TMPRSS15: variants seen among roughly 807,000 people sequenced by gnomAD.
TMPRSS15 encodes transmembrane serine protease 15, also known as enteropeptidase.
In TMPRSS15, 128 loss-of-function variants were observed where a neutral mutation model predicts 125.3. The ratio of observed to expected loss-of-function variants is 1.02; its 90% confidence interval spans 0.89 to 1.18. The LOEUF (loss-of-function observed/expected upper bound fraction) is 1.18, where lower values mean the gene tolerates loss of function less well. Among genes scored for constraint, TMPRSS15 ranks in the 50% most tolerant of loss-of-function variants. The pLI, the probability that TMPRSS15 is intolerant of heterozygous loss-of-function variation, is 0.00. For synonymous variants in TMPRSS15, 446 were observed against 423.2 expected (o/e 1.05, Z -0.66); for missense variants, 1,283 against 1,212.7 (o/e 1.06, Z -0.86).
chr21:18,433,674 A>AAAAAAAAAAAAAAAAAAAAAAAAAAC, intron 1 of TMPRSS15, among the ~76,000 whole-genome samples: 1 of 151,082 alleles, frequency 6.6e-6, no homozygotes, highest in Non-Finnish European at 1.5e-5. Context: ...AAAAAAAAAA[A>AAAAAAAAAAAAAAAAAAAAAAAAAAC]AAAAAAAAAA....
Position 18,315,240 on chromosome 21 carries a change from G to A in TMPRSS15, c.1938C>T (p.Asp646=), listed in dbSNP as rs774147379. Residue 646 remains aspartate (D), a synonymous_variant, in exon 17 of 25, where the codon GAC becomes GAT. Coordinates refer to ENST00000284885, the MANE Select transcript of TMPRSS15 (RefSeq NM_002772.3). ...ACTCTCCATTTTTACATTGAAAATG[G>A]TCTGCCTTGCATGGCTCTATGGGGA... The part of the protein sequence containing the change: ...HLGIPEPCKA[D]HFQCKNGECV... 1 of 1,613,244 alleles carries A rather than the reference G, an allele frequency of 6.2e-7. No homozygotes were observed. The highest frequency in any genetic ancestry group is 8.5e-7 in the Non-Finnish European group (1 of 1,179,744).
chr21:18,375,676 G>A (rs567925865), intron 5 of TMPRSS15, among the ~76,000 whole-genome samples: 2 of 152,194 alleles, frequency 1.3e-5, no homozygotes, highest in South Asian at 4.2e-4. Flanking sequence ...GACATATTAT[G>A]AAAACACACC....
At chr21:18,373,095 A>AT (rs952814958) in intron 5 of TMPRSS15, among the ~76,000 whole-genome samples, 40 of 151,602 alleles carry the variant, frequency 2.6e-4, no homozygotes, top group East Asian at 1.9e-3. Context: ...ACTCATCAGC[A>AT]TTTTTTTTTC....
Position 18,269,896 on chromosome 21 carries a change from A to G in TMPRSS15, c.*73T>C, listed in dbSNP as rs2074532967. Reference sequence around the variant, plus strand: ...TAACTTTTTAAAATTTTTGTACGAAACACTTAATTTCCATGCTTTCTAGAG... The same window carrying G: ...TAACTTTTTAAAATTTTTGTACGAAGCACTTAATTTCCATGCTTTCTAGAG... On this transcript the variant is annotated 3_prime_UTR_variant, in exon 25 of 25. Coordinates refer to ENST00000284885, the MANE Select transcript of TMPRSS15 (RefSeq NM_002772.3). 6.3e-7 allele frequency: 1 copy of G among 1,574,876 alleles called. No homozygotes were observed. Among genetic ancestry groups the G allele is most frequent in the Admixed American group, 1.8e-5 (1 of 55,830 alleles).
intron 8 of TMPRSS15, among the ~76,000 whole-genome samples, chr21:18,355,034 C>T (rs2075610746): frequency 6.6e-6 from 1 of 151,828 alleles, no homozygotes; most frequent in Non-Finnish European, 1.5e-5. Context: ...CATTGATTCA[C>T]ATCTTAATGT....
At chr21:18,434,290 A>T (rs1231219457) in intron 1 of TMPRSS15, among the ~76,000 whole-genome samples, 4 of 152,216 alleles carry the variant, frequency 2.6e-5, no homozygotes, top group Non-Finnish European at 5.9e-5. Flanking sequence ...ATGCACATAT[A>T]TACACACATT....
At chr21:18,355,763 A>G (rs1406975272) in intron 8 of TMPRSS15, among the ~76,000 whole-genome samples, 1 of 151,842 alleles carries the variant, frequency 6.6e-6, no homozygotes, top group Non-Finnish European at 1.5e-5. Context: ...CTAAATGCTT[A>G]GTGAATTCTG....
intron 15 of TMPRSS15, among the ~76,000 whole-genome samples, chr21:18,328,110 T>C (rs886531285): frequency 1.3e-5 from 2 of 152,126 alleles, no homozygotes; most frequent in African/African-American, 4.8e-5. Flanking sequence ...AGCTATTATG[T>C]TTGACTGATA....
At chr21:18,376,090 T>C (rs1405538026) in intron 5 of TMPRSS15, among the ~76,000 whole-genome samples, 1 of 152,196 alleles carries the variant, frequency 6.6e-6, no homozygotes, top group Non-Finnish European at 1.5e-5. Flanking sequence ...AAAAGCAGAA[T>C]CTTCATCCAT....
At chr21:18,393,154 G>C (rs958550129) in intron 3 of TMPRSS15, among the ~76,000 whole-genome samples, 1 of 152,150 alleles carries the variant, frequency 6.6e-6, no homozygotes, top group African/African-American at 2.4e-5. Context: ...TTTGGTGACA[G>C]AGCCATGCAG....
intron 17 of TMPRSS15, 67 bp from the exon 18 acceptor site, chr21:18,313,144 G>A (rs947032700): frequency 7.3e-6 from 8 of 1,089,812 alleles, no homozygotes; most frequent in East Asian, 2.4e-5. Flanking sequence ...GGAAGACATC[G>A]TTCAAAGAGT....
chr21:18,282,097 CAA>C (rs954911028), intron 21 of TMPRSS15, among the ~76,000 whole-genome samples: 1,437 of 24,804 alleles, frequency 0.058, 13 homozygotes, highest in African/African-American at 0.11. Context: ...GACTCCGCCT[CAA>C]AAAAAAAAAA....
intron 6 of TMPRSS15, among the ~76,000 whole-genome samples, chr21:18,367,058 T>A (rs1228716932): frequency 4.6e-5 from 7 of 152,060 alleles, no homozygotes; most frequent in Admixed American, 2.6e-4. Flanking sequence ...GCATAAAAAT[T>A]TACTTTGGTA....
intron 18 of TMPRSS15, among the ~76,000 whole-genome samples, chr21:18,309,344 T>C (rs140200882): frequency 0.039 from 5,878 of 152,218 alleles, 162 homozygotes; most frequent in Non-Finnish European, 0.056. Flanking sequence ...GACATAGGCA[T>C]GGGCAAAGAC....
intron 7 of TMPRSS15, among the ~76,000 whole-genome samples, chr21:18,360,618 T>G (rs544946420): frequency 2.6e-5 from 4 of 152,154 alleles, no homozygotes; most frequent in South Asian, 4.1e-4. Flanking sequence ...TGAGGCTTTA[T>G]AGTGGGCTTT....
chr21:18,286,929 G>A (rs1173656547), intron 21 of TMPRSS15, among the ~76,000 whole-genome samples: 7 of 152,154 alleles, frequency 4.6e-5, no homozygotes. Context: ...AGAGTTTGCT[G>A]TTACCTTCAA....
At chr21:18,462,379 T>C (rs1340828910) in intron 1 of TMPRSS15, among the ~76,000 whole-genome samples, 1 of 152,120 alleles carries the variant, frequency 6.6e-6, no homozygotes, top group Non-Finnish European at 1.5e-5. Context: ...TGCTTGGAAT[T>C]GCTGTTTTTT....
At chr21:18,376,099 A>G (rs2123025561) in intron 5 of TMPRSS15, among the ~76,000 whole-genome samples, 1 of 152,290 alleles carries the variant, frequency 6.6e-6, no homozygotes, top group African/African-American at 2.4e-5. Flanking sequence ...ATCTTCATCC[A>G]TGAATGTTTG....
rs73323999 is a variant in TMPRSS15, at chr21:18,374,125, C to A, written c.533-1801G>T. Among the ~76,000 whole-genome samples the A allele has an allele frequency of 9.4e-3, 1,431 of 152,176 alleles. 29 individuals are homozygous for A. The highest frequency in any genetic ancestry group is 0.033 in the African/African-American group (1,351 of 41,506). On this transcript the variant is annotated intron_variant, in intron 5 of 24. Transcript: ENST00000284885. ...TATTTCAATTAGTTTTTGATGTACACCTAGAAAGGCACCAGGAGGAGAGAG... is the reference window on the plus strand; with the variant it reads ...TATTTCAATTAGTTTTTGATGTACAACTAGAAAGGCACCAGGAGGAGAGAG...
Sources: gnomAD v4.1 joint callset for allele counts (sites outside exome capture counted in the v4.1 genomes callset) on GRCh38, gnomAD v4.1.1 for gene constraint, MANE v1.5 for transcripts, NCBI Gene and HGNC (gene_info 2026-07-23, HGNC 2026-07-21) for gene names.